Variants in COL9A3 observed in about 807,000 individuals in gnomAD.
The protein encoded by COL9A3 is collagen type IX alpha 3 chain, also known as collagen alpha-3(IX) chain.
COL9A3 carries 82 observed loss-of-function variants against 110.2 expected under a neutral mutation model. The ratio of observed to expected loss-of-function variants is 0.74; its 90% confidence interval spans 0.62 to 0.89. COL9A3 has a LOEUF of 0.89. Among genes scored for constraint, COL9A3 ranks in the 40% least tolerant of loss-of-function variants. The pLI is 0.00. For synonymous variants in COL9A3, 494 were observed against 403.8 expected (o/e 1.22, Z -2.68); for missense variants, 1,066 against 981.3 (o/e 1.09, Z -1.15).
At chr20:62,820,651 C>T (rs923531126) in intron 5 of COL9A3, among the ~76,000 whole-genome samples, 9 of 152,164 alleles carry the variant, frequency 5.9e-5, no homozygotes, top group African/African-American at 1.9e-4. Flanking sequence ...CAGCCGAGTC[C>T]GTGGTGCCCA....
chr20:62,819,980 CGGGTAA>C lies in COL9A3; in HGVS notation c.309_309+5del. 6.2e-7 allele frequency: 1 copy of C among 1,612,336 alleles called. No homozygotes were observed. The highest frequency in any genetic ancestry group is 1.1e-5 in the South Asian group (1 of 91,056). ...TGGACCCAAGGGTGCCCCTGGGGAA[CGGGTAA>C]GTGCCTGCGCCGAACCCAGTGGCTT... On this transcript the variant is annotated splice_donor_variant and splice_donor_region_variant and coding_sequence_variant and intron_variant, in exon 5 of 32. Transcript: ENST00000649368. LOFTEE classifies it high-confidence loss of function.
At chr20:62,829,841 G>A (rs750693339) in intron 22 of COL9A3, 22 bp downstream of exon 22, 32 of 1,549,148 alleles carry the variant, frequency 2.1e-5, no homozygotes, top group Middle Eastern at 1.9e-4. Context: ...GACATGGCCC[G>A]GGGTCGGGGG....
intron 22 of COL9A3, 116 bp from the exon 23 acceptor site, chr20:62,830,244 A>T: frequency 8.0e-7 from 1 of 1,248,712 alleles, no homozygotes; most frequent in South Asian, 1.3e-5. Flanking sequence ...CAGGTGGCTT[A>T]GAACCGGCTC....
intron 26 of COL9A3, among the ~76,000 whole-genome samples, chr20:62,833,422 TGAGAC>T (rs1441076183): frequency 6.6e-6 from 1 of 152,256 alleles, no homozygotes; most frequent in African/African-American, 2.4e-5. Context: ...TTTTTTGTTT[TGAGAC>T]GAGTCTCACT....
rs753247678 is a variant in COL9A3, at chr20:62,837,104, C to T, written c.1625C>T (p.Ala542Val). The part of the protein sequence containing the change: ...MISEQIAQLA[A>V]HLRKPLAPGS... ...AAAGAACAAATTGCACAGTTAGCCG[C>T]GCACCTAAGGAAGCCTTTGGCACCC... The change falls in exon 30 of 32, where the codon GCG becomes GTG. Residue 542 changes from alanine (A) to valine (V), a missense_variant. Transcript: ENST00000649368. 2.6e-5 allele frequency: 42 copies of T among 1,613,366 alleles called. No homozygotes were observed. The highest frequency in any genetic ancestry group is 6.7e-5 in the East Asian group (3 of 44,898).
intron 12 of COL9A3, chr20:62,825,569 C>T: frequency 3.4e-6 from 2 of 594,236 alleles, no homozygotes; most frequent in East Asian, 2.8e-5. Flanking sequence ...GAGGAGGGGC[C>T]TGGACAGGGC....
At position 62,817,090 on chromosome 20, in the gene COL9A3, C is replaced by A. The variant is rs779116701; in HGVS notation, c.26C>A (p.Pro9Gln). 7.2e-7 allele frequency: 1 copy of A among 1,394,776 alleles called. No individual in the cohort carries two copies. The highest frequency in any genetic ancestry group is 1.4e-5 in the South Asian group (1 of 70,514). The allele number at this position is 1,394,776 out of a possible 1,614,324, so 86.4% of individuals were successfully genotyped here. A position where few individuals can be genotyped will look rare whatever the true frequency, so the allele number is the denominator to read the frequency against. The change falls in exon 1 of 32, where the codon CCG becomes CAG. Residue 9 changes from proline (P) to glutamine (Q), a missense_variant. Transcript: ENST00000649368. ...ATGGCCGGGCCGCGCGCGTGCGCCC[C>A]GCTCCTGCTCCTGCTCCTGCTCGGG... MAGPRACA[P>Q]LLLLLLLGEL... is the part of the protein sequence containing the mutation.
intron 12 of COL9A3, chr20:62,825,477 G>T (rs2063545184): frequency 2.3e-6 from 1 of 440,556 alleles, no homozygotes; most frequent in Non-Finnish European, 4.1e-6. Flanking sequence ...GGGGGACCAG[G>T]TCTGGGATGC....
rs1414754119 is a variant in COL9A3, at chr20:62,824,976, T to C, written c.585T>C (p.Thr195=). 2 of 1,608,392 alleles carry C rather than the reference T, an allele frequency of 1.2e-6. No individual in the cohort carries two copies. The highest frequency in any genetic ancestry group is 1.1e-5 in the South Asian group (1 of 90,482). ...PPGMPGFKGP[T]GYKGEQGEVG... is the part of the protein sequence containing the mutation. ...CCCACATTTGCTTGCAGGGACCCAC[T>C]GGCTACAAAGGCGAGCAGGGGGAAG... Residue 195 remains threonine (T), a synonymous_variant, in exon 12 of 32, where the codon ACT becomes ACC. Transcript: ENST00000649368.
intron 31 of COL9A3, 124 bp from the exon 32 acceptor site, chr20:62,840,418 T>C (rs2063667795): frequency 2.1e-6 from 2 of 938,484 alleles, no homozygotes; most frequent in Admixed American, 1.9e-5. Context: ...CCCCACCCGC[T>C]GTGGCCTCTC....
In COL9A3 at chr20:62,824,942, G is replaced by A. The variant is rs980007744; in HGVS notation, c.577-26G>A. The A allele has an allele frequency of 4.4e-6, 7 of 1,603,712 alleles. No individual in the cohort carries two copies. The African/African-American group carries it at 9.4e-5, about 21-fold the overall frequency. The stretch of plus-strand genomic sequence containing the variant: ...AGGGGGTGTCGGGGGGTCTGGGTGG[G>A]GCAGTGACCCCACATTTGCTTGCAG... On this transcript the variant is annotated intron_variant, in intron 11 of 31. Coordinates refer to ENST00000649368, the MANE Select transcript of COL9A3 (RefSeq NM_001853.4).
At chr20:62,829,354 C>T (rs1757195606) in intron 19 of COL9A3, 101 bp from the exon 20 acceptor site, 6 of 1,495,016 alleles carry the variant, frequency 4.0e-6, no homozygotes, top group Non-Finnish European at 5.5e-6. Context: ...TTTGGGTGCA[C>T]TCACTCTGGC....
At chr20:62,829,163 T>G (rs1015403299) in intron 19 of COL9A3, among the ~76,000 whole-genome samples, 187 bp downstream of exon 19, 1 of 152,192 alleles carries the variant, frequency 6.6e-6, no homozygotes, top group Non-Finnish European at 1.5e-5. Context: ...TGCCTGTATG[T>G]TTGCATGTGT....
chr20:62,837,687 A>G (rs1338939024), intron 30 of COL9A3, among the ~76,000 whole-genome samples: 3 of 152,062 alleles, frequency 2.0e-5, no homozygotes, highest in Non-Finnish European at 4.4e-5. Flanking sequence ...CACGCCTGTA[A>G]TCCCAGCTAC....
intron 4 of COL9A3, among the ~76,000 whole-genome samples, 163 bp downstream of exon 4, chr20:62,819,456 C>T (rs915655138): frequency 6.6e-6 from 1 of 152,246 alleles, no homozygotes; most frequent in Non-Finnish European, 1.5e-5. Context: ...GGCCTTCATC[C>T]CAGACGCCAC....
chr20:62,837,547 G>A (rs868690225), intron 30 of COL9A3, among the ~76,000 whole-genome samples: 4 of 152,230 alleles, frequency 2.6e-5, no homozygotes, highest in South Asian at 2.1e-4. Context: ...GGTGGCTCAC[G>A]CCTGTAATCC....
rs1370495778 is a variant in COL9A3 at position 62,821,757 on chromosome 20, G to A, written c.370G>A (p.Gly124Arg). The A allele has an allele frequency of 1.9e-6, 3 of 1,610,314 alleles. No homozygotes were observed. The highest frequency in any genetic ancestry group is 2.2e-5 in the East Asian group (1 of 44,850). Reference sequence around the variant, plus strand: ...CCCACCTCTCTTTACTTCCCTCCAGGGAGAGGCAGGAGTGAGCGGCCCCCC... The same window carrying A: ...CCCACCTCTCTTTACTTCCCTCCAGAGAGAGGCAGGAGTGAGCGGCCCCCC... ...LGGKGLPGPP[G>R]EAGVSGPPGG... Residue 124 changes from glycine (G) to arginine (R), a missense_variant and splice_region_variant, in exon 8 of 32, where the codon GGA becomes AGA. By Grantham distance (125) the Gly-to-Arg change is moderately radical. Coordinates refer to ENST00000649368, the MANE Select transcript of COL9A3 (RefSeq NM_001853.4).
chr20:62,829,723 G>T, intron 21 of COL9A3, 42 bp downstream of exon 21: 1 of 1,598,696 alleles, frequency 6.3e-7, no homozygotes, highest in Non-Finnish European at 8.5e-7. Context: ...CATCCAGCCT[G>T]TGTGCAGACC....
At chr20:62,840,423 C>G (rs1180681444) in intron 31 of COL9A3, 119 bp from the exon 32 acceptor site, 2 of 972,570 alleles carry the variant, frequency 2.1e-6, no homozygotes, top group African/African-American at 1.6e-5. Context: ...CCCGCTGTGG[C>G]CTCTCCCCAA....
Sources: allele counts gnomAD v4.1 joint callset (sites outside exome capture counted in the v4.1 genomes callset), GRCh38; gene constraint gnomAD v4.1.1; transcripts MANE v1.5; gene names NCBI Gene and HGNC (gene_info 2026-07-23, HGNC 2026-07-21).